Variants in ERP29 observed in about 807,000 individuals in gnomAD.
ERP29 encodes endoplasmic reticulum resident protein 29.
In ERP29, 14 loss-of-function variants were observed where a neutral mutation model predicts 21.7. That is an observed-to-expected ratio of 0.64 (90% CI 0.43 to 1.01). The LOEUF is 1.01. Ranked by LOEUF, ERP29 falls within the 50% of genes least tolerant of loss-of-function variation. ERP29 has a pLI of 0.00. For missense variants in ERP29, 286 were observed against 327.3 expected, an observed-to-expected ratio of 0.87 and a Z score of 0.97; for synonymous variants, 129 against 139.1, an observed-to-expected ratio of 0.93 and a Z score of 0.51.
chr12:112,019,888 A>C lies in ERP29; in HGVS notation c.277A>C (p.Ile93Leu), dbSNP rs1593726971. ...SDDLLVAEVG[I>L]SDYGDKLNME... The stretch of plus-strand genomic sequence containing the variant: ...TGATCTCTTGGTGGCAGAGGTGGGG[A>C]TCTCAGGTATGGACAAGTCCAGGAC... Residue 93 changes from isoleucine to leucine, a missense_variant, in exon 2 of 3, where the codon ATC (isoleucine) becomes CTC (leucine). Transcript: ENST00000261735. The C allele has an allele frequency of 1.9e-6, 3 of 1,613,918 alleles. No homozygotes were observed. In the South Asian group the frequency reaches 3.3e-5, roughly 18 times the overall value.
At chr12:112,022,051 A>G (rs1292346796) in intron 2 of ERP29, 99 bp from the exon 3 acceptor site, 3 of 1,269,498 alleles carry the variant, frequency 2.4e-6, no homozygotes, top group Non-Finnish European at 3.3e-6. Context: ...TACACGGCCA[A>G]GAAAATTCTT....
At chr12:112,019,567 T>G (rs751110502) in intron 1 of ERP29, 189 bp from the exon 2 acceptor site, 56 of 668,716 alleles carry the variant, frequency 8.4e-5, no homozygotes, top group Middle Eastern at 2.6e-4. Flanking sequence ...TGGGGTGCCC[T>G]GCATGTTGCT....
At chr12:112,020,661 G>A (rs917352562) in intron 2 of ERP29, among the ~76,000 whole-genome samples, 9 of 152,162 alleles carry the variant, frequency 5.9e-5, no homozygotes, top group African/African-American at 2.2e-4. Context: ...GGTAGAGATA[G>A]CTGGCACACC....
chr12:112,015,676 A>G (rs1330366765), intron 1 of ERP29, among the ~76,000 whole-genome samples: 2 of 152,152 alleles, frequency 1.3e-5, no homozygotes, highest in African/African-American at 4.8e-5. Flanking sequence ...CCATAAAGCT[A>G]ACAGTGTTTT....
At chr12:112,014,370 A>C (rs1204387363) in intron 1 of ERP29, among the ~76,000 whole-genome samples, 1 of 152,238 alleles carries the variant, frequency 6.6e-6, no homozygotes, top group Non-Finnish European at 1.5e-5. Context: ...GCTTCTTATC[A>C]GAATCTAATG....
intron 1 of ERP29, 85 bp downstream of exon 1, chr12:112,013,694 G>C: frequency 4.3e-6 from 6 of 1,387,564 alleles, no homozygotes; most frequent in Non-Finnish European, 5.8e-6. Flanking sequence ...TGGATTCCGG[G>C]AGCTGACGGG....
At chr12:112,021,211 T>C (rs1307465260) in intron 2 of ERP29, among the ~76,000 whole-genome samples, 1 of 151,970 alleles carries the variant, frequency 6.6e-6, no homozygotes, top group Non-Finnish European at 1.5e-5. Flanking sequence ...CTCACCCAGC[T>C]CCAGCCAGAC....
chr12:112,021,386 C>T (rs2078044249), intron 2 of ERP29, among the ~76,000 whole-genome samples: 1 of 152,186 alleles, frequency 6.6e-6, no homozygotes, highest in Non-Finnish European at 1.5e-5. Flanking sequence ...CTGCCTTGAC[C>T]ACCTGAAGTG....
In ERP29 at chr12:112,022,824, A is replaced by G. The variant is rs1295071731; in HGVS notation, c.*172A>G. The G allele has an allele frequency of 1.5e-6, 1 of 672,706 alleles. No homozygotes were observed. The highest frequency in any genetic ancestry group is 2.5e-6 in the Non-Finnish European group (1 of 405,162). 41.7% of individuals were successfully genotyped at this position (672,706 alleles called of 1,614,324 possible). A position where few individuals can be genotyped will look rare whatever the true frequency, so the allele number is the denominator to read the frequency against. ...TGATGCTAACATGACCATGCTTGGG[A>G]TGTCTCTAGCTGGTCTGGGGATAGC... On this transcript the variant is annotated 3_prime_UTR_variant, in exon 3 of 3. Transcript: ENST00000261735.
chr12:112,022,483 T>TG lies in ERP29; in HGVS notation c.621dup (p.Lys208GlufsTer22), dbSNP rs754819048. ...TGGGCCGAGCAATACCTGAAGATCA[T>TG]GGGGAAGATCTTAGACCAAGGGGAG... On this transcript the variant is annotated frameshift_variant, in exon 3 of 3. Transcript: ENST00000261735. LOFTEE classifies it high-confidence loss of function. 1.2e-6 allele frequency: 2 copies of TG among 1,614,128 alleles called. No homozygotes were observed. Among genetic ancestry groups the TG allele is most frequent in the Non-Finnish European group, 1.7e-6 (2 of 1,179,994 alleles).
rs1396035416 is a variant in ERP29, at chr12:112,022,201, A to G, written c.335A>G (p.Lys112Arg). The change falls in exon 3 of 3, where the codon AAA becomes AGA. Residue 112 changes from lysine (K) to arginine (R), a missense_variant. By Grantham distance (26) the Lys-to-Arg change is conservative (BLOSUM62 2). Transcript: ENST00000261735. ...MELSEKYKLD[K>R]ESYPVFYLFR... is the part of the protein sequence containing the mutation. ...CTGAGTGAGAAATACAAGCTGGACAAAGAGAGCTACCCAGTCTTCTACCTC... is the reference window on the plus strand; with the variant it reads ...CTGAGTGAGAAATACAAGCTGGACAGAGAGAGCTACCCAGTCTTCTACCTC... 3 of 1,614,198 alleles carry G rather than the reference A, an allele frequency of 1.9e-6. No homozygotes were observed. The highest frequency in any genetic ancestry group is 1.1e-5 in the South Asian group (1 of 91,086).
intron 1 of ERP29, among the ~76,000 whole-genome samples, chr12:112,014,224 A>C (rs1325094022): frequency 1.3e-5 from 2 of 152,242 alleles, no homozygotes; most frequent in South Asian, 4.1e-4. Context: ...ACCGGGCCGC[A>C]CAGCAGGAGG....
Position 112,019,910 on chromosome 12 carries a change from G to C in ERP29, c.283+16G>C. 6.2e-7 allele frequency: 1 copy of C among 1,613,618 alleles called. No homozygotes were observed. On this transcript the variant is annotated intron_variant, in intron 2 of 2. Coordinates refer to ENST00000261735, the MANE Select transcript of ERP29 (RefSeq NM_006817.4). ...GGGATCTCAGGTATGGACAAGTCCA[G>C]GACGGCTGGGGGGGCAGAGAGGGAG... is the stretch of plus-strand genomic sequence containing the variant.
chr12:112,021,515 CTTTTTTTTTT>C lies in ERP29; in HGVS notation c.284-618_284-609del, dbSNP rs1164185865. On this transcript the variant is annotated intron_variant, in intron 2 of 2. Transcript: ENST00000261735. Reference sequence around the variant, plus strand: ...CTTAGAAGAATATGAGCTTAATAGTCTTTTTTTTTTTTTTTTTTTTTTTTTTGAGACAAAG... The same window carrying C: ...CTTAGAAGAATATGAGCTTAATAGTCTTTTTTTTTTTTTTTTGAGACAAAG... Among the ~76,000 whole-genome samples the C allele has an allele frequency of 1.9e-4, 13 of 70,044 alleles. No individual in the cohort carries two copies. In the East Asian group the frequency reaches 3.2e-3, roughly 17 times the overall value. The allele number at this position is 70,044 out of a possible 152,430, so 46.0% of individuals were successfully genotyped here.
chr12:112,014,021 G>A (rs1462286229), intron 1 of ERP29, among the ~76,000 whole-genome samples: 1 of 152,240 alleles, frequency 6.6e-6, no homozygotes, highest in African/African-American at 2.4e-5. Flanking sequence ...TTGGCGGGGG[G>A]AAATGCAGGC....
At chr12:112,019,942 A>G in intron 2 of ERP29, 48 bp downstream of exon 2, 1 of 1,608,902 alleles carries the variant, frequency 6.2e-7, no homozygotes, top group Non-Finnish European at 8.5e-7. Flanking sequence ...GGAGGAAGCT[A>G]GAAATCGTTT....
rs1175321123 is a variant in ERP29 at position 112,019,861 on chromosome 12, G to A, written c.250G>A (p.Asp84Asn). The A allele has an allele frequency of 6.2e-6, 10 of 1,613,982 alleles. No individual in the cohort carries two copies. The highest frequency in any genetic ancestry group is 1.7e-5 in the Admixed American group (1 of 59,984). The change falls in exon 2 of 3, where the codon GAT (aspartate) becomes AAT (asparagine). Residue 84 changes from aspartate (D) to asparagine (N), a missense_variant. Transcript: ENST00000261735. ...TCTTGCTGAAAACTCGGCTTCCAGC[G>A]ATGATCTCTTGGTGGCAGAGGTGGG... ...KRLAENSASS[D>N]DLLVAEVGIS...
chr12:112,016,820 G>A (rs1279073658), intron 1 of ERP29, among the ~76,000 whole-genome samples: 1 of 152,100 alleles, frequency 6.6e-6, no homozygotes, highest in Non-Finnish European at 1.5e-5. Context: ...GAACACGGGA[G>A]GCGGAGCTGC....
Position 112,017,787 on chromosome 12 carries a change from T to TC in ERP29, c.145-1969_145-1968insC, listed in dbSNP as rs1337494520. Among the ~76,000 whole-genome samples the TC allele has an allele frequency of 6.8e-5, 10 of 146,894 alleles. No individual in the cohort carries two copies. The East Asian group carries it at 1.2e-3, about 17-fold the overall frequency. On this transcript the variant is annotated intron_variant, in intron 1 of 2. Coordinates refer to ENST00000261735, the MANE Select transcript of ERP29 (RefSeq NM_006817.4). ...GAACATTGTATCTTTTTTTTTCTTTTTTTTTTTTTTTTTTGAGGTGGAGTT... is the reference window on the plus strand; with the variant it reads ...GAACATTGTATCTTTTTTTTTCTTTTCTTTTTTTTTTTTTTGAGGTGGAGTT...
Sources: allele counts gnomAD v4.1 joint callset (sites outside exome capture counted in the v4.1 genomes callset), GRCh38; gene constraint gnomAD v4.1.1; transcripts MANE v1.5; gene names NCBI Gene and HGNC (gene_info 2026-07-23, HGNC 2026-07-21).